ERC2: variants seen among roughly 807,000 people sequenced by gnomAD.
The protein encoded by ERC2 is ELKS/RAB6-interacting/CAST family member 2.
A neutral mutation model predicts 114.8 loss-of-function variants in ERC2; 42 were observed. The observed-to-expected ratio is 0.37, with a 90% CI of 0.29 to 0.47. The LOEUF is 0.47. Ranked by LOEUF, ERC2 falls within the 20% of genes least tolerant of loss-of-function variation. ERC2 has a pLI of 0.99. For synonymous variants in ERC2, 454 were observed against 425.5 expected (o/e 1.07, Z -0.82); for missense variants, 939 against 1,150.7 (o/e 0.82, Z 2.66).
chr3:56,468,448 G>A lies in ERC2; in HGVS notation c.-341C>T, dbSNP rs1577099305. 1 of 151,204 alleles carries A rather than the reference G, an allele frequency of 6.6e-6. No homozygotes were observed. The allele number at this position is 151,204 out of a possible 1,614,324, so 9.4% of individuals were successfully genotyped here. On this transcript the variant is annotated 5_prime_UTR_variant, in exon 1 of 18. Transcript: ENST00000288221. ...GAAGGGAAGGAGGAGGACACTGCTC[G>A]GAGGGCCAGGGCCAGGCGCGGGGCC... is the stretch of plus-strand genomic sequence containing the variant.
At chr3:55,819,328 T>G (rs2060027348) in intron 14 of ERC2, among the ~76,000 whole-genome samples, 1 of 152,206 alleles carries the variant, frequency 6.6e-6, no homozygotes. Context: ...GGCCAGGGTT[T>G]GATTAGCAGC....
At chr3:55,858,108 C>G (rs892910901) in intron 14 of ERC2, among the ~76,000 whole-genome samples, 1 of 152,150 alleles carries the variant, frequency 6.6e-6, no homozygotes, top group Non-Finnish European at 1.5e-5. Context: ...CATGCATACA[C>G]ACATAGACAC....
chr3:56,358,153 T>C (rs2058815082), intron 2 of ERC2, among the ~76,000 whole-genome samples: 1 of 152,188 alleles, frequency 6.6e-6, no homozygotes, highest in Non-Finnish European at 1.5e-5. Context: ...GGAATGAACT[T>C]GAACCTTAGT....
chr3:56,278,356 G>A (rs2054143790), intron 3 of ERC2, among the ~76,000 whole-genome samples: 1 of 152,130 alleles, frequency 6.6e-6, no homozygotes, highest in African/African-American at 2.4e-5. Flanking sequence ...CTGAAGTGAG[G>A]GAAATTCAGC....
chr3:55,647,968 G>A (rs2060464697), intron 17 of ERC2, among the ~76,000 whole-genome samples: 1 of 152,184 alleles, frequency 6.6e-6, no homozygotes, highest in East Asian at 1.9e-4. Context: ...CTGCTGGCAG[G>A]CAGCTGCATG....
chr3:55,900,668 G>T (rs535439455), intron 13 of ERC2, among the ~76,000 whole-genome samples: 1 of 152,292 alleles, frequency 6.6e-6, no homozygotes, highest in East Asian at 1.9e-4. Context: ...ACAATAGGGA[G>T]TGGCTTCCCT....
chr3:56,266,030 A>AAAAATAAAATAAAATAAAAT lies in ERC2; in HGVS notation c.1074+29969_1074+29988dup, dbSNP rs200509039. 1.6e-3 allele frequency among the ~76,000 whole-genome samples: 196 copies of AAAAATAAAATAAAATAAAAT among 122,800 alleles called. 1 individual carries two copies. The highest frequency in any genetic ancestry group is 5.9e-3 in the African/African-American group (189 of 32,160). 80.6% of individuals were successfully genotyped at this position (122,800 alleles called of 152,430 possible). A position where few individuals can be genotyped will look rare whatever the true frequency, so the allele number is the denominator to read the frequency against. On this transcript the variant is annotated intron_variant, in intron 3 of 17. Coordinates refer to ENST00000288221, the MANE Select transcript of ERC2 (RefSeq NM_015576.3). ...GGTGACAGAGTGAGAATCCGACCAAAAAAATAAAATAAAATAAAATAAAAT... is the reference window on the plus strand; with the variant it reads ...GGTGACAGAGTGAGAATCCGACCAAAAAAATAAAATAAAATAAAATAAAATAAAATAAAATAAAATAAAAT...
At chr3:56,410,883 T>C (rs1193492585) in intron 2 of ERC2, among the ~76,000 whole-genome samples, 2 of 152,010 alleles carry the variant, frequency 1.3e-5, no homozygotes, top group African/African-American at 4.8e-5. Flanking sequence ...TTCAAAGTAT[T>C]TACATCCTCT....
chr3:56,284,682 A>G (rs752884427), intron 3 of ERC2, among the ~76,000 whole-genome samples: 10 of 152,178 alleles, frequency 6.6e-5, no homozygotes, highest in Middle Eastern at 3.2e-3. Context: ...ATTAATAGTG[A>G]GAGTCCAGTA....
intron 13 of ERC2, among the ~76,000 whole-genome samples, chr3:55,903,982 A>G (rs1219965359): frequency 6.6e-6 from 1 of 152,222 alleles, no homozygotes; most frequent in Non-Finnish European, 1.5e-5. Flanking sequence ...CCAAGAGCAG[A>G]GGCTTATTTG....
chr3:55,615,508 T>C (rs2059086474), intron 17 of ERC2, among the ~76,000 whole-genome samples: 1 of 152,196 alleles, frequency 6.6e-6, no homozygotes, highest in Non-Finnish European at 1.5e-5. Context: ...TCTTCCATTG[T>C]TGGTCACAAT....
chr3:55,684,027 T>A (rs566596909), intron 16 of ERC2, among the ~76,000 whole-genome samples, 168 bp from the exon 17 acceptor site: 5 of 152,092 alleles, frequency 3.3e-5, no homozygotes, highest in Non-Finnish European at 7.3e-5. Context: ...AAATTCCACA[T>A]CACCGACTTG....
chr3:55,632,529 G>A (rs932279471), intron 17 of ERC2, among the ~76,000 whole-genome samples: 2 of 152,182 alleles, frequency 1.3e-5, no homozygotes, highest in African/African-American at 4.8e-5. Flanking sequence ...CTTAAGTTTG[G>A]TTTCAGTGGA....
intron 3 of ERC2, among the ~76,000 whole-genome samples, chr3:56,290,413 T>C (rs2055007248): frequency 6.6e-6 from 1 of 152,210 alleles, no homozygotes; most frequent in Non-Finnish European, 1.5e-5. Context: ...TAGGGAGCAA[T>C]TGTTAAGTTC....
At chr3:56,397,293 G>A (rs911265996) in intron 2 of ERC2, among the ~76,000 whole-genome samples, 2 of 151,566 alleles carry the variant, frequency 1.3e-5, no homozygotes, top group South Asian at 2.1e-4. Context: ...AGGCTGCAGT[G>A]GGCCATGATT....
At chr3:56,143,960 T>C (rs1422769357) in intron 5 of ERC2, among the ~76,000 whole-genome samples, 1 of 152,170 alleles carries the variant, frequency 6.6e-6, no homozygotes, top group Non-Finnish European at 1.5e-5. Context: ...GTAGAAAGGT[T>C]GATATGAATG....
At chr3:55,542,908 G>C (rs1426546939) in intron 17 of ERC2, among the ~76,000 whole-genome samples, 1 of 152,136 alleles carries the variant, frequency 6.6e-6, no homozygotes, top group Non-Finnish European at 1.5e-5. Context: ...GAAAGGTTCA[G>C]GTCTTCCTAA....
intron 7 of ERC2, among the ~76,000 whole-genome samples, chr3:56,028,672 C>T (rs1353089170): frequency 6.6e-6 from 1 of 152,062 alleles, no homozygotes; most frequent in Non-Finnish European, 1.5e-5. Context: ...TGAGACCTTA[C>T]TGAAGTCACT....
intron 17 of ERC2, among the ~76,000 whole-genome samples, chr3:55,669,798 G>A (rs142378030): frequency 1.3e-5 from 2 of 152,340 alleles, no homozygotes; most frequent in African/African-American, 2.4e-5. Context: ...CAGGGAGAAT[G>A]GTTCCATTTG....
Sources: allele counts gnomAD v4.1 joint callset (sites outside exome capture counted in the v4.1 genomes callset), GRCh38; gene constraint gnomAD v4.1.1; transcripts MANE v1.5; gene names NCBI Gene and HGNC (gene_info 2026-07-23, HGNC 2026-07-21).